The following NRG4 variants were observed in gnomAD, a reference collection of about 807,000 sequenced individuals.
NRG4 encodes the protein neuregulin 4.
Under a neutral mutation model 15.0 loss-of-function variants are expected in NRG4, and 10 were observed. That is an observed-to-expected ratio of 0.67 (90% CI 0.41 to 1.13). The LOEUF (loss-of-function observed/expected upper bound fraction) is 1.13, where lower values mean the gene tolerates loss of function less well. Among genes scored for constraint, NRG4 ranks in the 50% most tolerant of loss-of-function variants. The probability of loss-of-function intolerance (pLI) is 0.00; values close to 1 mark genes in which losing one functional copy is unlikely to be tolerated. For synonymous variants in NRG4, 41 were observed against 50.1 expected (o/e 0.82, Z 0.77); for missense variants, 139 against 140.2 (o/e 0.99, Z 0.04).
At chr15:75,992,852 T>C (rs1268547805) in intron 3 of NRG4, among the ~76,000 whole-genome samples, 4 of 152,208 alleles carry the variant, frequency 2.6e-5, no homozygotes, top group Admixed American at 1.3e-4. Flanking sequence ...CAGTACTTTA[T>C]TGACAAATAT....
intron 5 of NRG4, among the ~76,000 whole-genome samples, chr15:75,953,723 T>C (rs573840747): frequency 2.1e-4 from 32 of 152,338 alleles, no homozygotes; most frequent in African/African-American, 7.5e-4. Flanking sequence ...GGTGTATTAC[T>C]ACTCTGTTAC....
chr15:75,956,083 A>G, intron 4 of NRG4, 72 bp from the exon 5 acceptor site: 1 of 738,848 alleles, frequency 1.4e-6, no homozygotes, highest in East Asian at 2.8e-5. Flanking sequence ...ACCTAGAAAG[A>G]AAGTTTTTTT....
intron 3 of NRG4, among the ~76,000 whole-genome samples, chr15:75,976,128 T>G (rs1041192009): frequency 2.0e-5 from 3 of 152,218 alleles, no homozygotes; most frequent in Non-Finnish European, 2.9e-5. Context: ...GATCGATTTG[T>G]CTATTGATAC....
At chr15:76,017,375 T>C (rs2035014639), upstream of NRG4, among the ~76,000 whole-genome samples, 1 of 152,154 alleles carries the variant, frequency 6.6e-6, no homozygotes, top group South Asian at 2.1e-4. Flanking sequence ...AATTTGATCC[T>C]ATCATTATGA....
chr15:76,017,854 T>G (rs771940081), intron 5 of NRG4, among the ~76,000 whole-genome samples: 2 of 152,340 alleles, frequency 1.3e-5, no homozygotes, highest in Non-Finnish European at 1.5e-5. Flanking sequence ...CGGTATTTCC[T>G]GAATTTTAAT....
chr15:76,027,980 T>C (rs749960041), intron 5 of NRG4, among the ~76,000 whole-genome samples: 1 of 151,840 alleles, frequency 6.6e-6, no homozygotes, highest in African/African-American at 2.4e-5. Context: ...CAAATGTAAA[T>C]AGAAACACAA....
At chr15:76,048,810 C>T (rs924146922) in intron 4 of NRG4, among the ~76,000 whole-genome samples, 5 of 150,574 alleles carry the variant, frequency 3.3e-5, no homozygotes, top group Non-Finnish European at 5.9e-5. Flanking sequence ...TTTGGGAGGC[C>T]GAGGTGGATG....
chr15:75,955,968 T>C lies in NRG4; in HGVS notation c.295A>G (p.Asn99Asp), dbSNP rs1200173342. 6.2e-7 allele frequency: 1 copy of C among 1,611,852 alleles called. No homozygotes were observed. The highest frequency in any genetic ancestry group is 8.5e-7 in the Non-Finnish European group (1 of 1,177,968). Residue 99 changes from asparagine to aspartate, a missense_variant, in exon 5 of 6, where the codon AAC becomes GAC. Transcript: ENST00000394907. ...CTGGTACTGCTCGTCTCTACCAGGTTGATATCATACTGGACTGAACTGGCT... is the reference window on the plus strand; with the variant it reads ...CTGGTACTGCTCGTCTCTACCAGGTCGATATCATACTGGACTGAACTGGCT... ...QRASSVQYDI[N>D]LVETSSTSAH...
At chr15:76,001,093 C>T (rs2034396278) in intron 3 of NRG4, among the ~76,000 whole-genome samples, 1 of 152,004 alleles carries the variant, frequency 6.6e-6, no homozygotes, top group African/African-American at 2.4e-5. Context: ...TCAAGCAATC[C>T]TCCCACTTTA....
chr15:76,002,225 A>G (rs190482275), intron 3 of NRG4, among the ~76,000 whole-genome samples: 33 of 152,368 alleles, frequency 2.2e-4, no homozygotes, highest in Non-Finnish European at 4.1e-4. Flanking sequence ...GTTAGAAGAT[A>G]CTTGCATTGT....
At chr15:75,965,369 A>G (rs2032749438) in intron 3 of NRG4, among the ~76,000 whole-genome samples, 1 of 152,230 alleles carries the variant, frequency 6.6e-6, no homozygotes, top group Admixed American at 6.5e-5. Context: ...GCAAATAGAA[A>G]AAGGCATACA....
At chr15:75,935,406 T>G (rs930037170), downstream of NRG4, 1 of 152,164 alleles carries the variant, frequency 6.6e-6, no homozygotes, top group Admixed American at 6.5e-5. Context: ...GATCATAGAA[T>G]ACTTTATTTA....
Position 76,036,218 on chromosome 15 carries a change from C to A in NRG4, c.-104-227G>T, listed in dbSNP as rs2035593942. On this transcript the variant is annotated intron_variant, in intron 4 of 8. Transcript: ENST00000563910. ...CTAAGGTTCTACCACCTGATGTGGT[C>A]TTTTGAATAACAGCAGCCGGCCTGC... 2.6e-5 allele frequency among the ~76,000 whole-genome samples: 4 copies of A among 152,332 alleles called. No individual in the cohort carries two copies. The South Asian group carries it at 8.3e-4, about 32-fold the overall frequency.
rs533267597 is a variant in NRG4, at chr15:75,977,885, C to T, written c.105-15911G>A. On this transcript the variant is annotated intron_variant, in intron 3 of 5. Transcript: ENST00000394907. This position sits in a 1 kb window ranked among gnomAD's most constrained non-coding sequence, Gnocchi z 4.9. The stretch of plus-strand genomic sequence containing the variant: ...AGGCTGGAGTGCAGTGGTGTGATCT[C>T]GGCTCACTACAACCTCTGCCTCCCA... Among the ~76,000 whole-genome samples, 4 of 151,504 alleles carry T rather than the reference C, an allele frequency of 2.6e-5. No homozygotes were observed. Among genetic ancestry groups the T allele is most frequent in the African/African-American group, 7.3e-5 (3 of 41,244 alleles).
intron 3 of NRG4, among the ~76,000 whole-genome samples, chr15:75,984,934 T>G (rs2033742457): frequency 6.6e-6 from 1 of 152,152 alleles, no homozygotes; most frequent in African/African-American, 2.4e-5. Flanking sequence ...AACTTCCACC[T>G]CCCAGGTTCA....
chr15:75,945,302 C>G (rs1286383937), intron 5 of NRG4, among the ~76,000 whole-genome samples: 3 of 150,734 alleles, frequency 2.0e-5, no homozygotes, highest in Non-Finnish European at 4.4e-5. Context: ...CACTTTGTCA[C>G]CCAGGCAGAG....
intron 5 of NRG4, among the ~76,000 whole-genome samples, chr15:76,030,770 AAC>A (rs1162356048): frequency 6.6e-6 from 1 of 152,210 alleles, no homozygotes; most frequent in African/African-American, 2.4e-5. Flanking sequence ...CCACAAAGGA[AAC>A]ACTATGCCTG....
intron 5 of NRG4, among the ~76,000 whole-genome samples, chr15:76,027,827 A>C (rs2035356390): frequency 6.6e-6 from 1 of 152,218 alleles, no homozygotes; most frequent in Non-Finnish European, 1.5e-5. Context: ...ATATCAAGTA[A>C]CTTATTTTAC....
chr15:75,956,147 C>T, intron 4 of NRG4, 136 bp from the exon 5 acceptor site: 2 of 593,298 alleles, frequency 3.4e-6, no homozygotes, highest in Non-Finnish European at 6.0e-6. Context: ...AAAGTATAAA[C>T]TTGACTATTT....
Sources: gnomAD v4.1 joint callset for allele counts (sites outside exome capture counted in the v4.1 genomes callset) on GRCh38, gnomAD v4.1.1 for gene constraint, Gnocchi (gnomAD v3.1) non-coding constraint, MANE v1.5 for transcripts, NCBI Gene and HGNC (gene_info 2026-07-23, HGNC 2026-07-21) for gene names.